JPH2: variants seen among roughly 807,000 people sequenced by gnomAD.
The protein encoded by JPH2 is junctophilin 2, also known as junctophilin-2.
A neutral mutation model predicts 55.9 loss-of-function variants in JPH2; 38 were observed. The ratio of observed to expected loss-of-function variants is 0.68; its 90% CI spans 0.52 to 0.89. JPH2 has a LOEUF of 0.89. Among genes scored for constraint, JPH2 ranks in the 40% least tolerant of loss-of-function variants. The pLI, the probability that JPH2 is intolerant of heterozygous loss-of-function variation, is 0.00. For synonymous variants in JPH2, 480 were observed against 472.4 expected, an observed-to-expected ratio of 1.02 and a Z score of -0.21; for missense variants, 964 against 1,037.6, an observed-to-expected ratio of 0.93 and a Z score of 0.97.
chr20:44,186,582 A>G lies in JPH2; in HGVS notation c.124T>C (p.Trp42Arg), dbSNP rs1248902481. The change falls in exon 1 of 6, where the codon TGG (tryptophan) becomes CGG (arginine). Residue 42 changes from tryptophan (W) to arginine (R), a missense_variant. Transcript: ENST00000372980. ...CCTGCCACCTCAAAGCCAAAGTTCCAGGAGCCAGAGTATTCGCCCTGGCCC... is the reference window on the plus strand; with the variant it reads ...CCTGCCACCTCAAAGCCAAAGTTCCGGGAGCCAGAGTATTCGCCCTGGCCC... The part of the protein sequence containing the change: ...PKGQGEYSGS[W>R]NFGFEVAGVY... The G allele has an allele frequency of 6.2e-7, 1 of 1,613,698 alleles. No homozygotes were observed. Among genetic ancestry groups the G allele is most frequent in the Non-Finnish European group, 8.5e-7 (1 of 1,179,764 alleles).
chr20:44,185,005 G>A (rs1276783448), intron 1 of JPH2, among the ~76,000 whole-genome samples: 1 of 152,090 alleles, frequency 6.6e-6, no homozygotes, highest in Admixed American at 6.5e-5. Flanking sequence ...TGAACTCCTG[G>A]CCTCAAGTGA....
At chr20:44,141,305 C>T (rs971611085) in intron 2 of JPH2, among the ~76,000 whole-genome samples, 35 of 152,316 alleles carry the variant, frequency 2.3e-4, no homozygotes, top group Admixed American at 2.0e-3. Flanking sequence ...TTTGGACCTC[C>T]GCTGCCTGGA....
chr20:44,148,539 C>T (rs2072508266), intron 2 of JPH2, among the ~76,000 whole-genome samples: 1 of 152,168 alleles, frequency 6.6e-6, no homozygotes, highest in Non-Finnish European at 1.5e-5. Context: ...CGTTTCTTTC[C>T]CACCTGCTGA....
intron 2 of JPH2, among the ~76,000 whole-genome samples, chr20:44,149,837 G>A (rs1320541816): frequency 6.6e-6 from 1 of 152,094 alleles, no homozygotes; most frequent in African/African-American, 2.4e-5. Context: ...AATTAGCTAG[G>A]AGTGGCGGCG....
chr20:44,131,018 T>C, intron 2 of JPH2, among the ~76,000 whole-genome samples: 1 of 152,328 alleles, frequency 6.6e-6, no homozygotes, highest in East Asian at 1.9e-4. Context: ...GTGCATTGGT[T>C]TTCTCTTCTT....
intron 2 of JPH2, among the ~76,000 whole-genome samples, chr20:44,119,495 C>T (rs555687052): frequency 2.0e-5 from 3 of 152,306 alleles, no homozygotes; most frequent in Admixed American, 1.3e-4. Context: ...CTACCCCCGG[C>T]TGATGTGAGT....
At position 44,110,103 on chromosome 20, in the gene JPH2, G is replaced by A. The variant is rs6031389; in HGVS notation, c.*3415C>T. On this transcript the variant is annotated 3_prime_UTR_variant, in exon 6 of 6. Transcript: ENST00000372980. ...TGAGCCAACAGGGGGTGCTGTCTCC[G>A]ACTAACCCTACCTGGCTCTGAGTCT... 0.42 allele frequency among the ~76,000 whole-genome samples: 64,060 copies of A among 151,810 alleles called. 13,893 individuals are homozygous for A. The highest frequency in any genetic ancestry group is 0.53 in the African/African-American group (21,776 of 41,352).
intron 2 of JPH2, among the ~76,000 whole-genome samples, chr20:44,119,239 G>A (rs1242598136): frequency 6.6e-6 from 1 of 152,104 alleles, no homozygotes; most frequent in Non-Finnish European, 1.5e-5. Context: ...TTAAAGTATA[G>A]ATAAGCATAA....
intron 1 of JPH2, among the ~76,000 whole-genome samples, chr20:44,174,737 A>G (rs777410806): frequency 1.1e-4 from 16 of 152,298 alleles, no homozygotes; most frequent in Admixed American, 3.3e-4. Context: ...GTGGTGGCTC[A>G]GGGCTGTAAT....
Position 44,177,742 on chromosome 20 carries a change from T to G in JPH2, c.379+8585A>C, listed in dbSNP as rs1481816384. 2.8e-6 allele frequency: 4 copies of G among 1,414,706 alleles called. No individual in the cohort carries two copies. The Admixed American group carries it at 9.9e-5, about 35-fold the overall frequency. 87.6% of individuals were successfully genotyped at this position (1,414,706 alleles called of 1,614,324 possible). ...AGGCAGAACTAAGCGAATCAAAGTCTTGTCTTATTTACTGTTCCAAAGTCA... is the reference window on the plus strand; with the variant it reads ...AGGCAGAACTAAGCGAATCAAAGTCGTGTCTTATTTACTGTTCCAAAGTCA... On this transcript the variant is annotated intron_variant, in intron 1 of 5. Coordinates refer to ENST00000372980, the MANE Select transcript of JPH2 (RefSeq NM_020433.5).
At chr20:44,130,876 C>G (rs2072313164) in intron 2 of JPH2, among the ~76,000 whole-genome samples, 1 of 152,080 alleles carries the variant, frequency 6.6e-6, no homozygotes, top group South Asian at 2.1e-4. Context: ...TATTTTTTAT[C>G]AGGGCTGTGA....
At chr20:44,118,747 AT>A (rs2072213054) in intron 2 of JPH2, 124 bp from the exon 3 acceptor site, 1 of 792,976 alleles carries the variant, frequency 1.3e-6, no homozygotes. Context: ...GTCAATGAAT[AT>A]TTATTGAGCC....
chr20:44,116,345 CCAGGATCTCCTG>C lies in JPH2; in HGVS notation c.1318_1329del (p.Gln440_Leu443del). On this transcript the variant is annotated inframe_deletion, in exon 4 of 6. Transcript: ENST00000372980. The stretch of plus-strand genomic sequence containing the variant: ...GGCTCCAGCAGGCTCTCCGAGTTCT[CCAGGATCTCCTG>C]CAGCAGCCGGCGCTTCTGATATTCC... 6.5e-7 allele frequency: 1 copy of C among 1,547,286 alleles called. No homozygotes were observed. The highest frequency in any genetic ancestry group is 1.4e-5 in the African/African-American group (1 of 73,096).
At chr20:44,117,703 A>G (rs533086713) in intron 3 of JPH2, among the ~76,000 whole-genome samples, 1 of 152,290 alleles carries the variant, frequency 6.6e-6, no homozygotes, top group Non-Finnish European at 1.5e-5. Context: ...TGCAAGATTC[A>G]GCTCAAATGG....
chr20:44,143,628 C>T (rs939230550), intron 2 of JPH2, among the ~76,000 whole-genome samples: 5 of 152,320 alleles, frequency 3.3e-5, no homozygotes, highest in Middle Eastern at 3.4e-3. Flanking sequence ...TCGTGCTCCC[C>T]GCTCACGCCC....
intron 2 of JPH2, among the ~76,000 whole-genome samples, chr20:44,127,294 A>T (rs192650177): frequency 6.6e-6 from 1 of 152,268 alleles, no homozygotes; most frequent in Non-Finnish European, 1.5e-5. Context: ...TTGGGTGGAC[A>T]TGTTTTTATT....
At chr20:44,172,240 T>C (rs921828709) in intron 1 of JPH2, among the ~76,000 whole-genome samples, 2 of 152,064 alleles carry the variant, frequency 1.3e-5, no homozygotes, top group African/African-American at 2.4e-5. Flanking sequence ...TTCAGGCAAA[T>C]TGAGATGGCT....
intron 2 of JPH2, among the ~76,000 whole-genome samples, chr20:44,140,508 G>A (rs1425996969): frequency 6.6e-6 from 1 of 152,174 alleles, no homozygotes; most frequent in East Asian, 1.9e-4. Context: ...GCCAGACAGG[G>A]CCACACGAAG....
At chr20:44,182,526 G>C (rs2072793472) in intron 1 of JPH2, among the ~76,000 whole-genome samples, 1 of 152,166 alleles carries the variant, frequency 6.6e-6, no homozygotes, top group South Asian at 2.1e-4. Context: ...ATCCAGCCCA[G>C]GCCACGATGT....
Sources: allele counts gnomAD v4.1 joint callset (sites outside exome capture counted in the v4.1 genomes callset), GRCh38; gene constraint gnomAD v4.1.1; transcripts MANE v1.5; gene names NCBI Gene and HGNC (gene_info 2026-07-23, HGNC 2026-07-21).